RASGEF1A: variants seen among roughly 807,000 people sequenced by gnomAD.
RASGEF1A encodes the protein ras-GEF domain-containing family member 1A.
RASGEF1A carries 18 observed loss-of-function variants against 56.4 expected under a neutral mutation model. The ratio of observed to expected loss-of-function variants is 0.32; its 90% CI spans 0.22 to 0.47. The LOEUF is 0.47. Among genes scored for constraint, RASGEF1A ranks in the 20% least tolerant of loss-of-function variants. The probability of loss-of-function intolerance (pLI) is 1.00; values close to 1 mark genes in which losing one functional copy is unlikely to be tolerated. For synonymous variants in RASGEF1A, 245 were observed against 242.6 expected (o/e 1.01, Z -0.09); for missense variants, 422 against 627.1 (o/e 0.67, Z 3.49).
chr10:43,215,006 G>A (rs995643757), intron 1 of RASGEF1A, among the ~76,000 whole-genome samples: 1 of 152,228 alleles, frequency 6.6e-6, no homozygotes, highest in Non-Finnish European at 1.5e-5. Context: ...TTGCCCCTGA[G>A]AGCACCTGGC....
At chr10:43,207,291 G>A (rs959416750) in intron 1 of RASGEF1A, 1 of 985,340 alleles carries the variant, frequency 1.0e-6, no homozygotes, top group African/African-American at 1.7e-5. Flanking sequence ...AGAGCAAATT[G>A]TTGCCATGAT....
chr10:43,218,551 AGG>A (rs1491422104), intron 1 of RASGEF1A, among the ~76,000 whole-genome samples: 149 of 152,362 alleles, frequency 9.8e-4, no homozygotes, highest in Non-Finnish European at 1.8e-3. Flanking sequence ...TTCCTGCAGC[AGG>A]GCAGGGAACT....
chr10:43,196,198 C>A lies in RASGEF1A; in HGVS notation c.*46G>T, dbSNP rs745931879. ...AACCCACATCAGTCAAAATTTAAAC[C>A]CAGTTAGTGCACGTGCTTCCTCTGG... On this transcript the variant is annotated 3_prime_UTR_variant, in exon 13 of 13. Coordinates refer to ENST00000395810, the MANE Select transcript of RASGEF1A (RefSeq NM_145313.4). The surrounding 1 kb of genome is among the most constrained non-coding windows in gnomAD (Gnocchi z 4.6). 9.4e-6 allele frequency: 15 copies of A among 1,596,754 alleles called. No homozygotes were observed. Among genetic ancestry groups the A allele is most frequent in the African/African-American group, 1.3e-5 (1 of 74,540 alleles).
chr10:43,232,230 C>A (rs559566112), intron 1 of RASGEF1A, among the ~76,000 whole-genome samples: 3 of 152,316 alleles, frequency 2.0e-5, no homozygotes, highest in African/African-American at 7.2e-5. Context: ...TGGGTTAGCA[C>A]CATCCCCTCG....
intron 1 of RASGEF1A, among the ~76,000 whole-genome samples, chr10:43,246,409 T>C (rs1840567499): frequency 6.6e-6 from 1 of 152,196 alleles, no homozygotes; most frequent in Admixed American, 6.5e-5. Flanking sequence ...TTGCACAAAT[T>C]GACAAGCTGT....
At chr10:43,223,913 A>G (rs1840241038) in intron 1 of RASGEF1A, among the ~76,000 whole-genome samples, 1 of 152,202 alleles carries the variant, frequency 6.6e-6, no homozygotes, top group Non-Finnish European at 1.5e-5. Context: ...TGGGCATGAA[A>G]AAAGGGAATC....
chr10:43,203,540 T>C (rs1460029472), intron 2 of RASGEF1A, 120 bp from the exon 3 acceptor site: 2 of 1,390,384 alleles, frequency 1.4e-6, no homozygotes, highest in East Asian at 5.6e-5. Flanking sequence ...CCCGAGGCCA[T>C]GCCTTCACCT....
At chr10:43,252,276 G>C (rs1211216723) in intron 1 of RASGEF1A, among the ~76,000 whole-genome samples, 1 of 152,232 alleles carries the variant, frequency 6.6e-6, no homozygotes, top group African/African-American at 2.4e-5. Context: ...AAGGGTGTCA[G>C]CAGGTGGGAC....
intron 1 of RASGEF1A, among the ~76,000 whole-genome samples, chr10:43,221,678 G>A (rs777956741): frequency 2.0e-5 from 3 of 152,264 alleles, no homozygotes; most frequent in African/African-American, 7.2e-5. Context: ...GCAGGGCAGC[G>A]AGGTGGGGTG....
chr10:43,229,570 C>T lies in RASGEF1A; in HGVS notation c.-6-23448G>A, dbSNP rs924602353. 30 of 1,350,430 alleles carry T rather than the reference C, an allele frequency of 2.2e-5. No individual in the cohort carries two copies. The African/African-American group carries it at 4.4e-4, about 20-fold the overall frequency. The allele number at this position is 1,350,430 out of a possible 1,614,324, so 83.7% of individuals were successfully genotyped here. On this transcript the variant is annotated intron_variant, in intron 1 of 12. Coordinates refer to ENST00000395810, the MANE Select transcript of RASGEF1A (RefSeq NM_145313.4). ...TCGGGATGCAGGGGACCGTCGCACC[C>T]CTCCCGAGCCCGACAGCGCAAGAAC... is the stretch of plus-strand genomic sequence containing the variant.
chr10:43,264,484 C>A (rs1167707134), intron 1 of RASGEF1A, among the ~76,000 whole-genome samples: 2 of 151,688 alleles, frequency 1.3e-5, no homozygotes, highest in African/African-American at 4.8e-5. Flanking sequence ...CACACCCTTG[C>A]TAGGTAAACA....
At chr10:43,265,636 G>A (rs1329735557) in intron 1 of RASGEF1A, among the ~76,000 whole-genome samples, 1 of 152,260 alleles carries the variant, frequency 6.6e-6, no homozygotes, top group Non-Finnish European at 1.5e-5. Context: ...GGGTGGAAAT[G>A]TCCTCAGAGG....
intron 1 of RASGEF1A, among the ~76,000 whole-genome samples, chr10:43,242,445 A>G (rs1374576470): frequency 6.6e-6 from 1 of 152,186 alleles, no homozygotes; most frequent in Non-Finnish European, 1.5e-5. Flanking sequence ...CCCCACTTTC[A>G]ATAATGAACA....
At chr10:43,211,027 G>GACTCCTTGGAGCAGCA (rs1840060254) in intron 1 of RASGEF1A, among the ~76,000 whole-genome samples, 1 of 151,818 alleles carries the variant, frequency 6.6e-6, no homozygotes, top group African/African-American at 2.4e-5. Flanking sequence ...CAGCCCCTCT[G>GACTCCTTGGAGCAGCA]GTTCCTTGCA....
intron 1 of RASGEF1A, among the ~76,000 whole-genome samples, chr10:43,261,365 C>A (rs1169370840): frequency 7.9e-5 from 12 of 152,178 alleles, no homozygotes; most frequent in Admixed American, 7.9e-4. Context: ...GCATAGAAGG[C>A]CCTGTCCCCG....
intron 1 of RASGEF1A, chr10:43,229,854 C>G (rs1028627168): frequency 1.4e-6 from 1 of 716,232 alleles, no homozygotes; most frequent in African/African-American, 1.9e-5. Context: ...GCAGAGGGGC[C>G]GCGAGGCCGG....
Position 43,203,678 on chromosome 10 carries a change from CTGG to C in RASGEF1A, c.199-261_199-259del. 1.4e-5 allele frequency: 17 copies of C among 1,212,236 alleles called. No homozygotes were observed. In the Admixed American group the frequency reaches 1.7e-4, roughly 12 times the overall value. The allele number at this position is 1,212,236 out of a possible 1,614,324, so 75.1% of individuals were successfully genotyped here. A position where few individuals can be genotyped will look rare whatever the true frequency, so the allele number is the denominator to read the frequency against. Reference sequence around the variant, plus strand: ...CAGGCCTCCTAGCAGTCTTCCTCCGCTGGGATTCTCCCCCTCTCTGCCCCACGC... The same window carrying C: ...CAGGCCTCCTAGCAGTCTTCCTCCGCGATTCTCCCCCTCTCTGCCCCACGC... On this transcript the variant is annotated intron_variant, in intron 2 of 12. Coordinates refer to ENST00000395810, the MANE Select transcript of RASGEF1A (RefSeq NM_145313.4).
At chr10:43,230,317 T>C (rs112302039) in intron 1 of RASGEF1A, among the ~76,000 whole-genome samples, 6,741 of 152,064 alleles carry the variant, frequency 0.044, 502 homozygotes, top group African/African-American at 0.15. Context: ...GCTGCTTTTG[T>C]GGGAGGGCTG....
intron 1 of RASGEF1A, among the ~76,000 whole-genome samples, chr10:43,255,846 G>C (rs1440830009): frequency 6.6e-6 from 1 of 152,202 alleles, no homozygotes; most frequent in African/African-American, 2.4e-5. Context: ...GCTTCTCTGG[G>C]CTGGCTCCTG....
Sources: gnomAD v4.1 joint callset for allele counts (sites outside exome capture counted in the v4.1 genomes callset) on GRCh38, gnomAD v4.1.1 for gene constraint, Gnocchi (gnomAD v3.1) non-coding constraint, MANE v1.5 for transcripts, NCBI Gene and HGNC (gene_info 2026-07-23, HGNC 2026-07-21) for gene names.